Variants in SH3TC2 observed in about 807,000 individuals in gnomAD.
SH3TC2 encodes SH3 domain and tetratricopeptide repeats 2.
In SH3TC2, 87 loss-of-function variants were observed where a neutral mutation model predicts 124.5. The observed-to-expected ratio is 0.70, with a 90% confidence interval of 0.59 to 0.84. The LOEUF is 0.84. SH3TC2 is among the 40% of genes least tolerant of loss of function. The pLI, the probability that SH3TC2 is intolerant of heterozygous loss-of-function variation, is 0.00. For missense variants in SH3TC2, 1,536 were observed against 1,566.4 expected (o/e 0.98, Z 0.33); for synonymous variants, 634 against 628.5 (o/e 1.01, Z -0.13).
At chr5:149,019,525 T>A (rs926993746) in intron 12 of SH3TC2, among the ~76,000 whole-genome samples, 1 of 152,178 alleles carries the variant, frequency 6.6e-6, no homozygotes, top group Admixed American at 6.5e-5. Flanking sequence ...CAAATAGGAA[T>A]CTCAGAGTTT....
rs757292503 is a variant in SH3TC2, at chr5:149,038,463, C to T, written c.833G>A (p.Gly278Asp). The T allele has an allele frequency of 6.2e-7, 1 of 1,613,962 alleles. No individual in the cohort carries two copies. The highest frequency in any genetic ancestry group is 1.3e-5 in the African/African-American group (1 of 74,924). ...TTCATCCTTTTCTCCTGGCTCATAACCCGTCAAGGCCTTACAGCGTCCTCT... is the reference window on the plus strand; with the variant it reads ...TTCATCCTTTTCTCCTGGCTCATAATCCGTCAAGGCCTTACAGCGTCCTCT... ...IGRGRCKALT[G>D]YEPGEKDELN... The change falls in exon 8 of 17, where the codon GGT (glycine) becomes GAT (aspartate). Residue 278 changes from glycine (G) to aspartate (D), a missense_variant. Gly to Asp is a moderately conservative substitution (Grantham distance 94). Around this residue, in one of 3 missense-constraint regions of SH3TC2, gnomAD observed 1,102 missense variants for 1,098.6 expected, o/e 1.00. Transcript: ENST00000515425.
At chr5:149,044,425 T>C in intron 4 of SH3TC2, 108 bp downstream of exon 4, 2 of 827,046 alleles carry the variant, frequency 2.4e-6, no homozygotes, top group Non-Finnish European at 4.1e-6. Context: ...TTTTTAAGGC[T>C]CTATTTCTCT....
At chr5:149,017,392 C>T (rs544321881) in intron 12 of SH3TC2, among the ~76,000 whole-genome samples, 24 of 152,200 alleles carry the variant, frequency 1.6e-4, no homozygotes, top group Admixed American at 7.2e-4. Flanking sequence ...AAACTAAATT[C>T]TGTAGTTGTC....
chr5:149,037,051 C>T lies in SH3TC2; in HGVS notation c.1001+1244G>A, dbSNP rs955924750. 5.3e-5 allele frequency among the ~76,000 whole-genome samples: 8 copies of T among 152,226 alleles called. No homozygotes were observed. The East Asian group carries it at 1.5e-3, about 29-fold the overall frequency. The stretch of plus-strand genomic sequence containing the variant: ...CTTGCTCAGAGACATGCAGTAGCTC[C>T]CCATTCTCTGCCAGGTTAAGGAAAG... On this transcript the variant is annotated intron_variant, in intron 8 of 16. Coordinates refer to ENST00000515425, the MANE Select transcript of SH3TC2 (RefSeq NM_024577.4).
intron 13 of SH3TC2, among the ~76,000 whole-genome samples, chr5:149,012,100 G>A (rs1753793064): frequency 6.6e-6 from 1 of 152,092 alleles, no homozygotes. Context: ...TTGACTCTAG[G>A]CTTTTCTCTC....
intron 13 of SH3TC2, among the ~76,000 whole-genome samples, chr5:149,010,765 C>T (rs562674122): frequency 2.0e-5 from 3 of 151,660 alleles, no homozygotes; most frequent in Admixed American, 6.6e-5. Flanking sequence ...GAAAAAGCTA[C>T]GTTGATTTGA....
chr5:149,029,853 T>C (rs778081233), intron 9 of SH3TC2, among the ~76,000 whole-genome samples: 6 of 152,048 alleles, frequency 3.9e-5, no homozygotes, highest in South Asian at 2.1e-4. Flanking sequence ...CACAGGATGG[T>C]AGCTGCTAGA....
At chr5:149,018,441 G>T (rs1207925283) in intron 12 of SH3TC2, among the ~76,000 whole-genome samples, 2 of 152,132 alleles carry the variant, frequency 1.3e-5, no homozygotes, top group Non-Finnish European at 2.9e-5. Flanking sequence ...GTTCCATGTG[G>T]CTGGGAAGGC....
chr5:149,047,585 A>G (rs1346726373), intron 3 of SH3TC2: 4 of 421,768 alleles, frequency 9.5e-6, no homozygotes, highest in Non-Finnish European at 1.8e-5. Context: ...CATTCTATAT[A>G]GGTTAAGTAA....
chr5:149,043,205 C>A (rs1172899432), intron 4 of SH3TC2, among the ~76,000 whole-genome samples: 1 of 152,108 alleles, frequency 6.6e-6, no homozygotes, highest in African/African-American at 2.4e-5. Flanking sequence ...TAAAGTTCTC[C>A]TGACCTGAGG....
At position 148,993,509 on chromosome 5, in the gene SH3TC2, CT is replaced by C. The variant is rs1450678778; in HGVS notation, c.*11201del. 2.6e-5 allele frequency among the ~76,000 whole-genome samples: 4 copies of C among 152,146 alleles called. No individual in the cohort carries two copies. The highest frequency in any genetic ancestry group is 9.7e-5 in the African/African-American group (4 of 41,442). On this transcript the variant is annotated 3_prime_UTR_variant, in exon 17 of 17. Transcript: ENST00000515425. ...TAAGCATTAATTAAGAAAATACTTT[CT>C]TGATAAAAATTCAGCCATTATTGGT...
At position 149,008,902 on chromosome 5, in the gene SH3TC2, CA is replaced by C. The variant is rs1753736352; in HGVS notation, c.3426del (p.Tyr1142Ter). On this transcript the variant is annotated frameshift_variant, in exon 15 of 17. Transcript: ENST00000515425. LOFTEE classifies it high-confidence loss of function. ...AGGGTGGCAAATTCCAAAGCCTTCT[CA>C]TAGCCTTCGAGGCTAATCTGCAGCT... The part of the protein sequence containing the change: ...LTELQISLEG[Y>X]EKALEFATLA... 6.2e-7 allele frequency: 1 copy of C among 1,614,080 alleles called. No homozygotes were observed. The highest frequency in any genetic ancestry group is 1.3e-5 in the African/African-American group (1 of 74,916).
Position 149,004,819 on chromosome 5 carries a change from A to G in SH3TC2, c.3759T>C (p.Ile1253=). ...LLGDEELQDT[I]RSRLDNICQS... The stretch of plus-strand genomic sequence containing the variant: ...GGCAGATGTTGTCCAGCCTGCTCCT[A>G]ATGGTGTCCTGAAGCTCCTCATCAC... Residue 1253 remains isoleucine, a synonymous_variant, in exon 17 of 17, where the codon ATT becomes ATC. Transcript: ENST00000515425. 1 of 1,614,104 alleles carries G rather than the reference A, an allele frequency of 6.2e-7. No individual in the cohort carries two copies. The highest frequency in any genetic ancestry group is 8.5e-7 in the Non-Finnish European group (1 of 1,180,010).
At chr5:149,052,894 T>C (rs1011008548) in intron 1 of SH3TC2, among the ~76,000 whole-genome samples, 6 of 152,130 alleles carry the variant, frequency 3.9e-5, no homozygotes, top group Non-Finnish European at 8.8e-5. Flanking sequence ...TAAAGCATAA[T>C]GAAGTAGTTA....
At chr5:149,025,063 C>T (rs1176850829) in intron 12 of SH3TC2, among the ~76,000 whole-genome samples, 1 of 152,202 alleles carries the variant, frequency 6.6e-6, no homozygotes, top group African/African-American at 2.4e-5. Flanking sequence ...TCCTACAATA[C>T]CTCACCATGA....
chr5:149,006,921 A>G lies in SH3TC2; in HGVS notation c.3635T>C (p.Val1212Ala). 1.2e-6 allele frequency: 2 copies of G among 1,613,984 alleles called. No individual in the cohort carries two copies. The highest frequency in any genetic ancestry group is 1.7e-6 in the Non-Finnish European group (2 of 1,179,992). The change falls in exon 16 of 17, where the codon GTG becomes GCG. Residue 1212 changes from valine to alanine, a missense_variant. Physicochemically the swap from Val to Ala is moderately conservative, Grantham distance 64. Around this residue, in one of 3 missense-constraint regions of SH3TC2, gnomAD observed 426 missense variants for 443.5 expected, o/e 0.96. Coordinates refer to ENST00000515425, the MANE Select transcript of SH3TC2 (RefSeq NM_024577.4). ...GGTGAGTCTGCCCAGGCGATAATAC[A>G]CCTTGGCATAGTACAGGGCCTCCTT... ...SPKEALYYAKVYYRLGRLTFC... is the reference protein window; with the variant it reads ...SPKEALYYAKAYYRLGRLTFC...
rs968134432 is a variant in SH3TC2 at position 148,983,663 on chromosome 5, CCTGT to C, written c.*21044_*21047del. On this transcript the variant is annotated 3_prime_UTR_variant, in exon 17 of 17. Coordinates refer to ENST00000515425, the MANE Select transcript of SH3TC2 (RefSeq NM_024577.4). ...CCCCCTACCCCGCACCCCATTAGCC[CCTGT>C]CTGTGTTCTCTAGCCCTGAATTCAG... is the stretch of plus-strand genomic sequence containing the variant. Among the ~76,000 whole-genome samples, 38 of 152,276 alleles carry C rather than the reference CCTGT, an allele frequency of 2.5e-4. No individual in the cohort carries two copies. Among genetic ancestry groups the C allele is most frequent in the African/African-American group, 8.9e-4 (37 of 41,562 alleles).
At chr5:149,037,983 T>G (rs1333236603) in intron 8 of SH3TC2, among the ~76,000 whole-genome samples, 1 of 152,136 alleles carries the variant, frequency 6.6e-6, no homozygotes, top group African/African-American at 2.4e-5. Context: ...GCCCTGTGGT[T>G]AGACAGTGTG....
intron 1 of SH3TC2, among the ~76,000 whole-genome samples, chr5:149,055,963 G>A (rs1357420306): frequency 1.3e-5 from 2 of 151,926 alleles, no homozygotes; most frequent in East Asian, 3.9e-4. Flanking sequence ...GAGAATGAAT[G>A]AATTGCCACT....
Sources: allele counts gnomAD v4.1 joint callset (sites outside exome capture counted in the v4.1 genomes callset), GRCh38; gene constraint gnomAD v4.1.1; regional missense constraint gnomAD v4.1.1; transcripts MANE v1.5; gene names NCBI Gene and HGNC (gene_info 2026-07-23, HGNC 2026-07-21).